CNTNAP3: variants seen among roughly 807,000 people sequenced by gnomAD.
CNTNAP3 encodes contactin associated protein family member 3.
Under a neutral mutation model 92.1 loss-of-function variants are expected in CNTNAP3, and 36 were observed. The ratio of observed to expected loss-of-function variants is 0.39; its 90% CI spans 0.30 to 0.52. CNTNAP3 has a LOEUF of 0.52. Ranked by LOEUF, CNTNAP3 falls within the 20% of genes least tolerant of loss-of-function variation. The pLI is 0.76. For synonymous variants in CNTNAP3, 232 were observed against 422.3 expected (o/e 0.55, Z 5.53); for missense variants, 534 against 1,069.6 (o/e 0.50, Z 6.98).
chr9:39,073,711 G>A lies in CNTNAP3; in HGVS notation c.*179C>T, dbSNP rs981153227. 2.2e-5 allele frequency: 33 copies of A among 1,526,364 alleles called. No homozygotes were observed. The African/African-American group carries it at 3.2e-4, about 15-fold the overall frequency. The allele number at this position is 1,526,364 out of a possible 1,614,324, so 94.6% of individuals were successfully genotyped here. A position where few individuals can be genotyped will look rare whatever the true frequency, so the allele number is the denominator to read the frequency against. On this transcript the variant is annotated 3_prime_UTR_variant, in exon 24 of 24. Transcript: ENST00000297668. ...GAAAGGGACCTCCCAGAGGCTCCGA[G>A]GCTGCAGGTCTTCAGCCAGGTGACA...
intron 14 of CNTNAP3, among the ~76,000 whole-genome samples, chr9:39,109,583 G>C (rs1477430622): frequency 6.6e-6 from 1 of 152,040 alleles, no homozygotes; most frequent in Non-Finnish European, 1.5e-5. Flanking sequence ...AGGCATGGCT[G>C]GGTTGCAATA....
At position 39,105,061 on chromosome 9, in the gene CNTNAP3, A is replaced by T. The variant is rs116811939; in HGVS notation, c.2366-1147T>A. ...GGCTCCTGATTGAATTTTTATTCTG[A>T]TGGCTGCCAGTGGTGATCTTCTAAG... is the stretch of plus-strand genomic sequence containing the variant. On this transcript the variant is annotated intron_variant, in intron 15 of 23. Transcript: ENST00000297668. 7.1e-3 allele frequency among the ~76,000 whole-genome samples: 1,078 copies of T among 152,260 alleles called. 30 individuals are homozygous for T. The South Asian group carries it at 0.084, about 12-fold the overall frequency.
intron 3 of CNTNAP3, among the ~76,000 whole-genome samples, chr9:39,226,934 ATGTGTG>A (rs369126023): frequency 0.52 from 5,345 of 10,332 alleles, 2,471 homozygotes; most frequent in South Asian, 1. Context: ...GTGTATGTAT[ATGTGTG>A]TATATATATA....
At chr9:39,080,472 G>A (rs1825906952) in intron 21 of CNTNAP3, among the ~76,000 whole-genome samples, 1 of 136,666 alleles carries the variant, frequency 7.3e-6, no homozygotes, top group African/African-American at 2.7e-5. Flanking sequence ...TGTATTTGAA[G>A]TTGAGCTCAG....
intron 19 of CNTNAP3, among the ~76,000 whole-genome samples, 196 bp from the exon 20 acceptor site, chr9:39,087,045 C>T (rs187526926): frequency 6.6e-6 from 1 of 152,056 alleles, no homozygotes; most frequent in African/African-American, 2.4e-5. Context: ...GACTCTGAGT[C>T]CAATGATGCT....
intron 12 of CNTNAP3, among the ~76,000 whole-genome samples, chr9:39,136,000 G>A (rs2315719): frequency 4.0e-5 from 6 of 151,402 alleles, no homozygotes; most frequent in African/African-American, 7.3e-5. Context: ...GTGGTGGCAC[G>A]TGCCTGTAGT....
intron 12 of CNTNAP3, among the ~76,000 whole-genome samples, chr9:39,137,708 G>T (rs998063476): frequency 4.6e-5 from 7 of 151,816 alleles, no homozygotes; most frequent in Admixed American, 2.6e-4. Flanking sequence ...TAGAGACAGG[G>T]TTTCACCGTG....
At chr9:39,111,422 A>C (rs1230084800) in intron 14 of CNTNAP3, among the ~76,000 whole-genome samples, 6 of 152,198 alleles carry the variant, frequency 3.9e-5, no homozygotes, top group Non-Finnish European at 7.4e-5. Context: ...ATGGTAAAGA[A>C]AGCTTATTTC....
chr9:39,084,185 G>A (rs1322663886), intron 21 of CNTNAP3, among the ~76,000 whole-genome samples: 1 of 149,470 alleles, frequency 6.7e-6, no homozygotes, highest in Non-Finnish European at 1.5e-5. Context: ...CATAGCAGAT[G>A]CTCACCAAGT....
Position 39,112,522 on chromosome 9 carries a change from T to C in CNTNAP3, c.2238-3235A>G, listed in dbSNP as rs371732636. On this transcript the variant is annotated intron_variant, in intron 14 of 23. Transcript: ENST00000297668. ...CTGGGATTACAGGCGTGCGCCACTA[T>C]GCTCAGCTAATTTTTGTATTTTTAG... 1.1e-3 allele frequency among the ~76,000 whole-genome samples: 173 copies of C among 152,160 alleles called. No individual in the cohort carries two copies. In the East Asian group the frequency reaches 0.017, roughly 15 times the overall value.
At position 39,066,621 on chromosome 9, in the gene CNTNAP3, G is replaced by A. The variant is rs2118321983; in HGVS notation, c.*7269C>T. Among the ~76,000 whole-genome samples, 1 of 152,372 alleles carries A rather than the reference G, an allele frequency of 6.6e-6. No homozygotes were observed. Among genetic ancestry groups the A allele is most frequent in the African/African-American group, 2.4e-5 (1 of 41,596 alleles). Reference sequence around the variant, plus strand: ...TCCTTTCTTGAAAGACGGTTTTGCTGGGTATAGAAACCTAGGAGAGAGAGT... The same window carrying A: ...TCCTTTCTTGAAAGACGGTTTTGCTAGGTATAGAAACCTAGGAGAGAGAGT... On this transcript the variant is annotated 3_prime_UTR_variant, in exon 24 of 24. Coordinates refer to ENST00000297668, the MANE Select transcript of CNTNAP3 (RefSeq NM_033655.5).
chr9:39,146,645 T>C (rs940224799), intron 10 of CNTNAP3, among the ~76,000 whole-genome samples: 194 of 152,200 alleles, frequency 1.3e-3, no homozygotes, highest in African/African-American at 4.5e-3. Context: ...GCCGAGATCG[T>C]GCCACTGCAC....
intron 14 of CNTNAP3, among the ~76,000 whole-genome samples, chr9:39,117,592 C>T (rs1202011237): frequency 6.6e-6 from 1 of 152,140 alleles, no homozygotes; most frequent in Non-Finnish European, 1.5e-5. Flanking sequence ...TGAAGCTTTG[C>T]TATTGCACTG....
At chr9:39,113,750 A>T (rs976228085) in intron 14 of CNTNAP3, among the ~76,000 whole-genome samples, 4 of 151,914 alleles carry the variant, frequency 2.6e-5, no homozygotes, top group Admixed American at 1.3e-4. Context: ...CATTTACAAA[A>T]TTTTTTATAC....
At position 39,071,724 on chromosome 9, in the gene CNTNAP3, T is replaced by C. The variant is rs1252004590; in HGVS notation, c.*2166A>G. On this transcript the variant is annotated 3_prime_UTR_variant, in exon 24 of 24. Transcript: ENST00000297668. ...TTGCTCTTTGGCAGAAGTTTAAATATATATATTCATAGATATTTTTACATC... is the reference window on the plus strand; with the variant it reads ...TTGCTCTTTGGCAGAAGTTTAAATACATATATTCATAGATATTTTTACATC... Among the ~76,000 whole-genome samples, 1 of 147,690 alleles carries C rather than the reference T, an allele frequency of 6.8e-6. No homozygotes were observed. Among genetic ancestry groups the C allele is most frequent in the African/African-American group, 2.5e-5 (1 of 39,450 alleles).
intron 13 of CNTNAP3, among the ~76,000 whole-genome samples, 189 bp downstream of exon 13, chr9:39,132,743 C>T (rs73646298): frequency 0.056 from 8,512 of 152,196 alleles, 257 homozygotes; most frequent in African/African-American, 0.073. Flanking sequence ...CGTCTCTCAA[C>T]GGTCAGGAAG....
At chr9:39,086,375 G>A (rs56196481) in intron 20 of CNTNAP3, 39,710 of 277,120 alleles carry the variant, frequency 0.14, 4,028 homozygotes, top group East Asian at 0.22. Context: ...TCCCACTGCA[G>A]TATCAATGAA....
At chr9:39,094,830 T>G (rs1179717445) in intron 18 of CNTNAP3, among the ~76,000 whole-genome samples, 1 of 151,538 alleles carries the variant, frequency 6.6e-6, no homozygotes, top group Non-Finnish European at 1.5e-5. Context: ...TCTGGGCTTT[T>G]TCAAATTTTA....
intron 11 of CNTNAP3, 128 bp from the exon 12 acceptor site, chr9:39,140,766 T>G: frequency 7.6e-7 from 1 of 1,310,940 alleles, no homozygotes; most frequent in Non-Finnish European, 9.9e-7. Context: ...TGATAGTGTA[T>G]GACAGTATAT....
Sources: gnomAD v4.1 joint callset for allele counts (sites outside exome capture counted in the v4.1 genomes callset) on GRCh38, gnomAD v4.1.1 for gene constraint, MANE v1.5 for transcripts, NCBI Gene and HGNC (gene_info 2026-07-23, HGNC 2026-07-21) for gene names.